The following KLHL14 variants were observed in gnomAD, a reference collection of about 807,000 sequenced individuals.
KLHL14 encodes kelch like family member 14.
In KLHL14, 22 loss-of-function variants were observed where a neutral mutation model predicts 64.3. The ratio of observed to expected loss-of-function variants is 0.34; its 90% CI spans 0.24 to 0.49. The LOEUF (loss-of-function observed/expected upper bound fraction) is 0.49. Ranked by LOEUF, KLHL14 falls within the 20% of genes least tolerant of loss-of-function variation. The pLI, the probability that KLHL14 is intolerant of heterozygous loss-of-function variation, is 0.99. For synonymous variants in KLHL14, 322 were observed against 333.4 expected (o/e 0.97, Z 0.37); for missense variants, 661 against 789.0 (o/e 0.84, Z 1.94).
intron 2 of KLHL14, among the ~76,000 whole-genome samples, chr18:32,758,930 G>A (rs1286187163): frequency 1.3e-5 from 2 of 152,206 alleles, no homozygotes; most frequent in African/African-American, 4.8e-5. Flanking sequence ...AGGGCTGAAA[G>A]TCGGGCGGAT....
Position 32,770,373 on chromosome 18 carries a change from G to T in KLHL14, c.219C>A (p.Gly73=), listed in dbSNP as rs1417968367. The T allele has an allele frequency of 1.9e-6, 3 of 1,589,000 alleles. No homozygotes were observed. Among genetic ancestry groups the T allele is most frequent in the South Asian group, 2.3e-5 (2 of 87,314 alleles). The change falls in exon 2 of 9, where the codon GGC becomes GGA. Residue 73 remains glycine (G), a synonymous_variant. Coordinates refer to ENST00000359358, the MANE Select transcript of KLHL14 (RefSeq NM_020805.3). The surrounding 1 kb of genome is among the most constrained non-coding windows in gnomAD (Gnocchi z 6.7). The part of the protein sequence containing the change: ...SSHPPLGGGV[G]GQDGLGAPKD... The stretch of plus-strand genomic sequence containing the variant: ...TGGGGGCCCCCAGGCCGTCCTGGCC[G>T]CCGACCCCTCCCCCGAGAGGGGGGT...
intron 2 of KLHL14, among the ~76,000 whole-genome samples, chr18:32,750,251 A>T (rs2050244622): frequency 6.6e-6 from 1 of 152,172 alleles, no homozygotes; most frequent in Non-Finnish European, 1.5e-5. Flanking sequence ...TTGGTTTTCC[A>T]CAGGCCAGAG....
chr18:32,687,829 G>C (rs989755204), intron 4 of KLHL14, among the ~76,000 whole-genome samples: 5 of 152,186 alleles, frequency 3.3e-5, no homozygotes, highest in African/African-American at 1.2e-4. Context: ...ATTGGTGGGA[G>C]AGTCTGCTCT....
chr18:32,753,331 C>T (rs1216797084), intron 2 of KLHL14, among the ~76,000 whole-genome samples: 1 of 152,124 alleles, frequency 6.6e-6, no homozygotes, highest in Non-Finnish European at 1.5e-5. Context: ...ATGTGAAGAT[C>T]AACAACTTTG....
intron 2 of KLHL14, among the ~76,000 whole-genome samples, chr18:32,759,289 C>T (rs1183080398): frequency 3.9e-5 from 6 of 152,078 alleles, no homozygotes; most frequent in African/African-American, 1.4e-4. Context: ...AATGCTTCAG[C>T]AGAAGCATAA....
rs930088393 is a variant in KLHL14, at chr18:32,734,198, G to T, written c.1069+7730C>A. 3 of 702,720 alleles carry T rather than the reference G, an allele frequency of 4.3e-6. No individual in the cohort carries two copies. The African/African-American group carries it at 5.2e-5, about 12-fold the overall frequency. 43.5% of individuals were successfully genotyped at this position (702,720 alleles called of 1,614,324 possible). A position where few individuals can be genotyped will look rare whatever the true frequency, so the allele number is the denominator to read the frequency against. Reference sequence around the variant, plus strand: ...CTGGTTTTCCTCCTTCTGAACTCTGGTGAGCTTGCACTTTCCTGCTTCCCT... The same window carrying T: ...CTGGTTTTCCTCCTTCTGAACTCTGTTGAGCTTGCACTTTCCTGCTTCCCT... On this transcript the variant is annotated intron_variant, in intron 3 of 8. Transcript: ENST00000359358.
chr18:32,716,869 T>A (rs963401535), intron 3 of KLHL14, among the ~76,000 whole-genome samples: 2 of 152,262 alleles, frequency 1.3e-5, no homozygotes, highest in African/African-American at 4.8e-5. Flanking sequence ...GCCTTTTACA[T>A]TATGACTCCT....
chr18:32,716,563 C>A (rs569278999), intron 3 of KLHL14, among the ~76,000 whole-genome samples: 1 of 152,084 alleles, frequency 6.6e-6, no homozygotes. Flanking sequence ...TGTAGGCACA[C>A]GCCACCACGC....
rs376433741 is a variant in KLHL14 at position 32,674,809 on chromosome 18, G to A, written c.1747-12C>T. 1 of 779,802 alleles carries A rather than the reference G, an allele frequency of 1.3e-6. No homozygotes were observed. The highest frequency in any genetic ancestry group is 1.3e-5 in the South Asian group (1 of 74,472). The allele number at this position is 779,802 out of a possible 1,614,324, so 48.3% of individuals were successfully genotyped here. On this transcript the variant is annotated splice_polypyrimidine_tract_variant and intron_variant, in intron 8 of 8. Transcript: ENST00000359358. Reference sequence around the variant, plus strand: ...GACTTGTAGGCCCCCTGTAATGACAGAGGAGGGAGCATTTAGAGAAGGAAG... The same window carrying A: ...GACTTGTAGGCCCCCTGTAATGACAAAGGAGGGAGCATTTAGAGAAGGAAG...
At chr18:32,771,669 G>A (rs1405636382) in intron 1 of KLHL14, among the ~76,000 whole-genome samples, 1 of 152,084 alleles carries the variant, frequency 6.6e-6, no homozygotes, top group Non-Finnish European at 1.5e-5. Context: ...GGGAGGCCTG[G>A]AGGCCGGGAG....
At chr18:32,772,112 G>A in intron 1 of KLHL14, 1 of 240,030 alleles carries the variant, frequency 4.2e-6, no homozygotes, top group Non-Finnish European at 8.0e-6. Flanking sequence ...CCGCCGGCCC[G>A]CCGGCCCGCC....
intron 5 of KLHL14, among the ~76,000 whole-genome samples, chr18:32,685,796 T>C (rs1272962175): frequency 6.6e-6 from 1 of 152,184 alleles, no homozygotes; most frequent in African/African-American, 2.4e-5. Context: ...TGAGTTTCAT[T>C]AGAGCATAGA....
At chr18:32,750,044 A>T (rs1479106885) in intron 2 of KLHL14, among the ~76,000 whole-genome samples, 1 of 151,576 alleles carries the variant, frequency 6.6e-6, no homozygotes, top group African/African-American at 2.4e-5. Context: ...AATGAGAGAG[A>T]GAGAGAGGAG....
rs71177874 is a variant in KLHL14, at chr18:32,752,955, T to TTGTGTGTGTG, written c.948-10916_948-10907dup. 3.1e-3 allele frequency among the ~76,000 whole-genome samples: 448 copies of TTGTGTGTGTG among 142,380 alleles called. 2 individuals carry two copies. In the Middle Eastern group the frequency reaches 0.043, roughly 14 times the overall value. The allele number at this position is 142,380 out of a possible 152,430, so 93.4% of individuals were successfully genotyped here. On this transcript the variant is annotated intron_variant, in intron 2 of 8. Coordinates refer to ENST00000359358, the MANE Select transcript of KLHL14 (RefSeq NM_020805.3). Reference sequence around the variant, plus strand: ...TCTGGGATGGGACCCAGCATCATATTTGTGTGTGTGTGTGTGTGTGTGTGT... The same window carrying TTGTGTGTGTG: ...TCTGGGATGGGACCCAGCATCATATTTGTGTGTGTGTGTGTGTGTGTGTGTGTGTGTGTGT...
chr18:32,688,125 A>G (rs2049888589), intron 4 of KLHL14, among the ~76,000 whole-genome samples: 1 of 152,236 alleles, frequency 6.6e-6, no homozygotes, highest in South Asian at 2.1e-4. Flanking sequence ...GCAAAATAAT[A>G]TATTACATTC....
chr18:32,730,397 A>G (rs2050131596), intron 3 of KLHL14, among the ~76,000 whole-genome samples: 1 of 152,226 alleles, frequency 6.6e-6, no homozygotes, highest in Non-Finnish European at 1.5e-5. Flanking sequence ...AACCATTAAA[A>G]CAAAAATCTC....
chr18:32,680,362 G>C lies in KLHL14; in HGVS notation c.1430-35C>G, dbSNP rs370645694. On this transcript the variant is annotated intron_variant, in intron 6 of 8. Transcript: ENST00000359358. This position sits in a 1 kb window ranked among gnomAD's most constrained non-coding sequence, Gnocchi z 4.8. ...AAACATAGACATACAAGTCAAGAGA[G>C]TGCTTTGGAACTGAACTTTGTAACA... 6.8e-6 allele frequency: 11 copies of C among 1,613,432 alleles called. No individual in the cohort carries two copies. The highest frequency in any genetic ancestry group is 1.7e-5 in the Admixed American group (1 of 59,960).
At chr18:32,737,383 AG>A (rs1477007910) in intron 3 of KLHL14, 3 of 152,188 alleles carry the variant, frequency 2.0e-5, no homozygotes, top group African/African-American at 7.2e-5. Context: ...AAGAAACAGA[AG>A]GGCCAAGGAA....
intron 2 of KLHL14, among the ~76,000 whole-genome samples, chr18:32,767,651 C>CT (rs1409328159): frequency 6.6e-6 from 1 of 152,160 alleles, no homozygotes; most frequent in Non-Finnish European, 1.5e-5. Flanking sequence ...CCAGCAGGCA[C>CT]TAGCTGGTGT....
Sources: allele counts gnomAD v4.1 joint callset (sites outside exome capture counted in the v4.1 genomes callset), GRCh38; gene constraint gnomAD v4.1.1; non-coding constraint Gnocchi (gnomAD v3.1); transcripts MANE v1.5; gene names NCBI Gene and HGNC (gene_info 2026-07-23, HGNC 2026-07-21).